The following OGDHL variants were observed in gnomAD, a reference collection of about 807,000 sequenced individuals.
OGDHL encodes the protein oxoglutarate dehydrogenase L.
In OGDHL, 79 loss-of-function variants were observed where a neutral mutation model predicts 109.6. That is an observed-to-expected ratio of 0.72 (90% CI 0.60 to 0.87). The LOEUF (loss-of-function observed/expected upper bound fraction) is 0.87, where lower values mean the gene tolerates loss of function less well. Ranked by LOEUF, OGDHL falls within the 40% of genes least tolerant of loss-of-function variation. OGDHL has a pLI of 0.00. For missense variants in OGDHL, 1,275 were observed against 1,362.2 expected, an observed-to-expected ratio of 0.94 and a Z score of 1.01; for synonymous variants, 528 against 537.2, an observed-to-expected ratio of 0.98 and a Z score of 0.24.
intron 1 of OGDHL, among the ~76,000 whole-genome samples, chr10:49,761,292 C>T (rs906659349): frequency 6.6e-6 from 1 of 152,182 alleles, no homozygotes; most frequent in Non-Finnish European, 1.5e-5. Flanking sequence ...AGAACCTCAA[C>T]CCAACCCCAG....
intron 12 of OGDHL, among the ~76,000 whole-genome samples, 191 bp downstream of exon 12, chr10:49,745,153 T>TC (rs1842081641): frequency 6.6e-6 from 1 of 152,252 alleles, no homozygotes; most frequent in Non-Finnish European, 1.5e-5. Context: ...ACCCACTGTG[T>TC]CCCACTTGGC....
chr10:49,758,149 G>A (rs963167580), intron 2 of OGDHL, among the ~76,000 whole-genome samples: 3 of 152,230 alleles, frequency 2.0e-5, no homozygotes, highest in African/African-American at 4.8e-5. Flanking sequence ...AAGGGGGCAC[G>A]GCAGGGCTCA....
In OGDHL at chr10:49,756,827, G is replaced by A. The variant is rs2133096864; in HGVS notation, c.324C>T (p.Ser108=). The A allele has an allele frequency of 3.7e-6, 6 of 1,614,016 alleles. No homozygotes were observed. Among genetic ancestry groups the A allele is most frequent in the Non-Finnish European group, 5.1e-6 (6 of 1,179,950 alleles). Residue 108 remains serine (S), a synonymous_variant, in exon 3 of 23, where the codon AGC becomes AGT. Transcript: ENST00000374103. ...RSAVSSRTKT[S]KLVEDHLAVQ... is the part of the protein sequence containing the mutation. Reference sequence around the variant, plus strand: ...CAGCCAGGTGGTCCTCCACCAATTTGCTGGTCTTGGTCCGACTTGAGACTG... The same window carrying A: ...CAGCCAGGTGGTCCTCCACCAATTTACTGGTCTTGGTCCGACTTGAGACTG...
chr10:49,743,390 T>TTCAGTC (rs1554818705), intron 14 of OGDHL, among the ~76,000 whole-genome samples: 1 of 151,372 alleles, frequency 6.6e-6, no homozygotes, highest in Non-Finnish European at 1.5e-5. Context: ...CCCCAGGACA[T>TTCAGTC]TCGGTCTCGG....
chr10:49,750,707 A>T lies in OGDHL; in HGVS notation c.896+132T>A, dbSNP rs1238983247. 5 of 1,278,488 alleles carry T rather than the reference A, an allele frequency of 3.9e-6. No homozygotes were observed. The African/African-American group carries it at 7.5e-5, about 19-fold the overall frequency. The allele number at this position is 1,278,488 out of a possible 1,614,324, so 79.2% of individuals were successfully genotyped here. A position where few individuals can be genotyped will look rare whatever the true frequency, so the allele number is the denominator to read the frequency against. Reference sequence around the variant, plus strand: ...CGAGCAGGCCAGGCCCAGGACTCAGAACTTTCCAGGAAACCCACCTCTACC... The same window carrying T: ...CGAGCAGGCCAGGCCCAGGACTCAGTACTTTCCAGGAAACCCACCTCTACC... On this transcript the variant is annotated intron_variant, in intron 7 of 22. Coordinates refer to ENST00000374103, the MANE Select transcript of OGDHL (RefSeq NM_018245.3).
chr10:49,745,255 C>A, intron 12 of OGDHL, 89 bp downstream of exon 12: 1 of 1,504,314 alleles, frequency 6.6e-7, no homozygotes, highest in Non-Finnish European at 9.0e-7. Context: ...ATCCTTAGTG[C>A]CCAGCACTGG....
intron 12 of OGDHL, 84 bp downstream of exon 12, chr10:49,745,260 C>G: frequency 6.5e-7 from 1 of 1,529,028 alleles, no homozygotes. Context: ...TAGTGCCCAG[C>G]ACTGGGCTGG....
At chr10:49,744,626 C>G (rs1590715281) in intron 13 of OGDHL, 24 bp downstream of exon 13, 1 of 1,593,604 alleles carries the variant, frequency 6.3e-7, no homozygotes, top group African/African-American at 1.3e-5. Flanking sequence ...GGGAGTCCCT[C>G]TGAGCCACAC....
chr10:49,736,226 C>A lies in OGDHL; in HGVS notation c.2755-49G>T, dbSNP rs528537287. 3.2e-6 allele frequency: 5 copies of A among 1,567,948 alleles called. No individual in the cohort carries two copies. The Admixed American group carries it at 8.8e-5, about 28-fold the overall frequency. The stretch of plus-strand genomic sequence containing the variant: ...CATAGCCAGAGGAGGGGCGGTATGT[C>A]CCCAGCACCCCCGGACAGGAGGCAC... On this transcript the variant is annotated intron_variant, in intron 21 of 22. Transcript: ENST00000374103.
chr10:49,747,302 A>C (rs1770375439), intron 8 of OGDHL, 94 bp from the exon 9 acceptor site: 4 of 1,381,418 alleles, frequency 2.9e-6, no homozygotes, highest in Non-Finnish European at 4.0e-6. Context: ...TCAGGCTGGC[A>C]CATTCCCCCG....
chr10:49,750,957 A>C lies in OGDHL; in HGVS notation c.778T>G (p.Ser260Ala), dbSNP rs1277726325. 2 of 1,608,162 alleles carry C rather than the reference A, an allele frequency of 1.2e-6. No homozygotes were observed. The highest frequency in any genetic ancestry group is 1.1e-5 in the South Asian group (1 of 90,170). The part of the protein sequence containing the change: ...RFEDFLARKW[S>A]SEKRFGLEGC... ...TCCAGGCCAAACCGCTTCTCTGAGG[A>C]CCATTTCCGGGCCAGGAAGTCTTCA... is the stretch of plus-strand genomic sequence containing the variant. Residue 260 changes from serine to alanine, a missense_variant, in exon 7 of 23, where the codon TCC becomes GCC. Transcript: ENST00000374103.
intron 3 of OGDHL, among the ~76,000 whole-genome samples, chr10:49,755,786 G>A (rs1842880141): frequency 6.6e-6 from 1 of 152,178 alleles, no homozygotes; most frequent in African/African-American, 2.4e-5. Context: ...TAGAAGATAA[G>A]GCCCTCGGGC....
chr10:49,750,762 T>G (rs1842531821), intron 7 of OGDHL, 77 bp downstream of exon 7: 1 of 1,486,064 alleles, frequency 6.7e-7, no homozygotes, highest in Admixed American at 2.1e-5. Flanking sequence ...TCCGCTCTGA[T>G]TTCCATCTCA....
At chr10:49,753,374 T>C (rs532831367) in intron 3 of OGDHL, among the ~76,000 whole-genome samples, 1 of 152,342 alleles carries the variant, frequency 6.6e-6, no homozygotes, top group Admixed American at 6.5e-5. Context: ...TATCTTACTT[T>C]GAAGATTTGA....
chr10:49,742,598 C>T (rs551876918), intron 15 of OGDHL, among the ~76,000 whole-genome samples: 164 of 145,450 alleles, frequency 1.1e-3, no homozygotes, highest in Middle Eastern at 7.1e-3. Flanking sequence ...ATCCTGAGGA[C>T]CACAGATGGC....
At chr10:49,750,309 C>T (rs551672888) in intron 7 of OGDHL, among the ~76,000 whole-genome samples, 2 of 152,334 alleles carry the variant, frequency 1.3e-5, no homozygotes, top group Admixed American at 6.5e-5. Context: ...TGCATTCCCC[C>T]TCCTGCTTCC....
intron 13 of OGDHL, 71 bp from the exon 14 acceptor site, chr10:49,744,193 C>T: frequency 6.4e-7 from 1 of 1,568,608 alleles, no homozygotes; most frequent in South Asian, 1.2e-5. Flanking sequence ...AGCCTGCCTC[C>T]CCAGGACTGA....
intron 16 of OGDHL, among the ~76,000 whole-genome samples, chr10:49,740,495 C>G (rs1357683190): frequency 2.0e-5 from 3 of 152,086 alleles, no homozygotes; most frequent in Admixed American, 2.0e-4. Flanking sequence ...GAGGTCCCCC[C>G]AACTGGGATC....
rs573874716 is a variant in OGDHL at position 49,734,876 on chromosome 10, G to A, written c.*352C>T. The A allele has an allele frequency of 2.2e-4, 39 of 180,164 alleles. No individual in the cohort carries two copies. Among genetic ancestry groups the A allele is most frequent in the Middle Eastern group, 2.4e-3 (1 of 412 alleles). 11.2% of individuals were successfully genotyped at this position (180,164 alleles called of 1,614,324 possible). ...ATCTACAGATAAGCGAGGGTGGGGC[G>A]AGCAGCAGCCAGGGCTGCCGGGATG... On this transcript the variant is annotated 3_prime_UTR_variant, in exon 23 of 23. Transcript: ENST00000374103.
Sources: allele counts gnomAD v4.1 joint callset (sites outside exome capture counted in the v4.1 genomes callset), GRCh38; gene constraint gnomAD v4.1.1; transcripts MANE v1.5; gene names NCBI Gene and HGNC (gene_info 2026-07-23, HGNC 2026-07-21).